Variants in CSMD3 observed in about 807,000 individuals in gnomAD.
CSMD3 encodes CUB and sushi domain-containing protein 3.
Under a neutral mutation model 435.2 loss-of-function variants are expected in CSMD3, and 177 were observed. The ratio of observed to expected loss-of-function variants is 0.41; its 90% CI spans 0.36 to 0.46. The LOEUF is 0.46. Among genes scored for constraint, CSMD3 ranks in the 20% least tolerant of loss-of-function variants. CSMD3 has a pLI of 0.34. For missense variants in CSMD3, 4,265 were observed against 4,504.6 expected (o/e 0.95, Z 1.52); for synonymous variants, 1,656 against 1,520.5 (o/e 1.09, Z -2.07).
chr8:112,788,877 C>T (rs191058252), intron 13 of CSMD3, among the ~76,000 whole-genome samples: 2 of 151,974 alleles, frequency 1.3e-5, no homozygotes, highest in African/African-American at 2.4e-5. Flanking sequence ...TAAAATAAAC[C>T]TCTAAGTTAA....
intron 23 of CSMD3, among the ~76,000 whole-genome samples, chr8:112,576,029 T>C (rs955530772): frequency 3.3e-5 from 5 of 150,532 alleles, no homozygotes; most frequent in Admixed American, 2.7e-4. Flanking sequence ...TATAATTTAA[T>C]TGCTATGAAA....
chr8:113,424,912 G>A (rs1018298431), intron 1 of CSMD3, among the ~76,000 whole-genome samples: 14 of 151,302 alleles, frequency 9.3e-5, no homozygotes, highest in African/African-American at 1.7e-4. Context: ...ATATTTACAC[G>A]GGAAGAAAAT....
intron 37 of CSMD3, among the ~76,000 whole-genome samples, chr8:112,381,429 C>G (rs1419136216): frequency 1.3e-5 from 2 of 152,154 alleles, no homozygotes; most frequent in South Asian, 2.1e-4. Flanking sequence ...ATCTTTGACT[C>G]CACCTCTAGC....
intron 31 of CSMD3, among the ~76,000 whole-genome samples, chr8:112,485,210 T>C (rs1586478552): frequency 6.6e-6 from 1 of 152,144 alleles, no homozygotes; most frequent in East Asian, 1.9e-4. Flanking sequence ...TATGCTTTGG[T>C]TTTATCCCAA....
intron 24 of CSMD3, among the ~76,000 whole-genome samples, chr8:112,563,159 T>C (rs1828786827): frequency 6.6e-6 from 1 of 151,802 alleles, no homozygotes; most frequent in Non-Finnish European, 1.5e-5. Context: ...AAGAAAATGG[T>C]GAAGAAGAGT....
At chr8:113,425,958 A>G (rs934140830) in intron 1 of CSMD3, among the ~76,000 whole-genome samples, 9 of 151,588 alleles carry the variant, frequency 5.9e-5, no homozygotes, top group Admixed American at 4.6e-4. Flanking sequence ...CAGCCAAAAT[A>G]TCTTAACTCC....
intron 27 of CSMD3, among the ~76,000 whole-genome samples, chr8:112,536,348 A>C (rs1385252399): frequency 2.0e-5 from 3 of 152,218 alleles, no homozygotes; most frequent in African/African-American, 7.2e-5. Flanking sequence ...AACCCCATCA[A>C]AAAGTGGGCA....
rs765100215 is a variant in CSMD3, at chr8:112,337,583, T to C, written c.6801A>G (p.Gly2267=). The stretch of plus-strand genomic sequence containing the variant: ...GTGGATGATTCCAATTACGACTGAC[T>C]CCGTGAAGGCATGTGAGAGCTGAAT... ...IGNSALTCLH[G]VSRNWNHPLP... is the part of the protein sequence containing the mutation. Residue 2267 remains glycine (G), a synonymous_variant, in exon 43 of 71, where the codon GGA becomes GGG. Transcript: ENST00000297405. The C allele has an allele frequency of 1.3e-5, 21 of 1,613,940 alleles. No individual in the cohort carries two copies. In the East Asian group the frequency reaches 4.7e-4, roughly 36 times the overall value.
chr8:112,867,717 T>A (rs1468224740), intron 10 of CSMD3, among the ~76,000 whole-genome samples: 1 of 151,992 alleles, frequency 6.6e-6, no homozygotes, highest in Non-Finnish European at 1.5e-5. Context: ...ACAAAAAAAT[T>A]AAAAATGGTA....
At chr8:112,871,341 G>T (rs949879525) in intron 10 of CSMD3, among the ~76,000 whole-genome samples, 16 of 152,232 alleles carry the variant, frequency 1.1e-4, no homozygotes, top group African/African-American at 3.4e-4. Flanking sequence ...TTTAAAAAAT[G>T]TTTTCCAAAT....
intron 6 of CSMD3, among the ~76,000 whole-genome samples, chr8:112,992,643 T>C (rs1406101133): frequency 2.6e-5 from 4 of 151,780 alleles, no homozygotes; most frequent in East Asian, 1.9e-4. Context: ...GAATAATAAG[T>C]ATTAGGGAAT....
At chr8:113,403,499 C>T (rs1045987705) in intron 1 of CSMD3, among the ~76,000 whole-genome samples, 3 of 151,146 alleles carry the variant, frequency 2.0e-5, no homozygotes, top group African/African-American at 7.3e-5. Context: ...GTCAGTAACA[C>T]CAGGGTGAGG....
chr8:112,275,268 CT>C (rs1817929799), intron 59 of CSMD3, among the ~76,000 whole-genome samples: 1 of 152,110 alleles, frequency 6.6e-6, no homozygotes, highest in Admixed American at 6.6e-5. Flanking sequence ...GAGGTTTAGG[CT>C]GGGCACGGTG....
intron 9 of CSMD3, among the ~76,000 whole-genome samples, chr8:112,924,518 A>T (rs1028331537): frequency 9.9e-5 from 15 of 152,086 alleles, no homozygotes; most frequent in Non-Finnish European, 1.9e-4. Flanking sequence ...AAAGTAATAA[A>T]TGACATCTTG....
chr8:112,886,451 C>A (rs147747249), intron 10 of CSMD3, among the ~76,000 whole-genome samples: 1 of 150,896 alleles, frequency 6.6e-6, no homozygotes, highest in African/African-American at 2.4e-5. Flanking sequence ...TATCTTGTGT[C>A]GTAGAATTCT....
At chr8:112,744,188 T>C (rs905371351) in intron 13 of CSMD3, among the ~76,000 whole-genome samples, 1 of 152,070 alleles carries the variant, frequency 6.6e-6, no homozygotes, top group Admixed American at 6.6e-5. Context: ...CTGTCTCTGT[T>C]ATATTGAAGG....
chr8:112,916,296 G>C (rs2082569744), intron 10 of CSMD3, among the ~76,000 whole-genome samples: 1 of 151,762 alleles, frequency 6.6e-6, no homozygotes, highest in African/African-American at 2.4e-5. Flanking sequence ...AGGGAGTTTT[G>C]AATTTAAGTG....
At chr8:113,413,649 A>C (rs929245537) in intron 1 of CSMD3, among the ~76,000 whole-genome samples, 1 of 152,210 alleles carries the variant, frequency 6.6e-6, no homozygotes, top group Non-Finnish European at 1.5e-5. Flanking sequence ...GCAAAGAGTA[A>C]TGTGGGAGTA....
chr8:112,926,293 T>A (rs535447581), intron 9 of CSMD3, among the ~76,000 whole-genome samples: 1 of 152,080 alleles, frequency 6.6e-6, no homozygotes, highest in South Asian at 2.1e-4. Flanking sequence ...TATGCATTCC[T>A]AGGAAAGTAT....
Sources: allele counts gnomAD v4.1 joint callset (sites outside exome capture counted in the v4.1 genomes callset), GRCh38; gene constraint gnomAD v4.1.1; transcripts MANE v1.5; gene names NCBI Gene and HGNC (gene_info 2026-07-23, HGNC 2026-07-21).